ZBTB49: variants seen among roughly 807,000 people sequenced by gnomAD.
The protein encoded by ZBTB49 is zinc finger and BTB domain containing 49.
In ZBTB49, 43 loss-of-function variants were observed where a neutral mutation model predicts 57.5. The ratio of observed to expected loss-of-function variants is 0.75; its 90% CI spans 0.59 to 0.97. The LOEUF is 0.97. Ranked by LOEUF, ZBTB49 falls within the 50% of genes least tolerant of loss-of-function variation. ZBTB49 has a pLI of 0.00. For missense variants in ZBTB49, 938 were observed against 947.7 expected, an observed-to-expected ratio of 0.99 and a Z score of 0.13; for synonymous variants, 369 against 362.1, an observed-to-expected ratio of 1.02 and a Z score of -0.22.
At chr4:4,300,240 TTTTAAG>T (rs1188861541) in intron 2 of ZBTB49, 143 bp downstream of exon 2, 39 of 946,534 alleles carry the variant, frequency 4.1e-5, no homozygotes, top group Non-Finnish European at 5.4e-5. Flanking sequence ...TTGTTTTAAT[TTTTAAG>T]TTTGTTAACC....
intron 1 of ZBTB49, among the ~76,000 whole-genome samples, chr4:4,296,680 G>C (rs1020748646): frequency 2.6e-5 from 4 of 152,344 alleles, no homozygotes; most frequent in African/African-American, 9.6e-5. Context: ...TGAGAAAGGA[G>C]TCATGAGAAA....
intron 7 of ZBTB49, among the ~76,000 whole-genome samples, chr4:4,317,655 G>A (rs1477253281): frequency 4.0e-5 from 6 of 151,666 alleles, no homozygotes; most frequent in African/African-American, 2.4e-5. Flanking sequence ...CTTGTGTGGG[G>A]GTGTGTTTCC....
intron 7 of ZBTB49, among the ~76,000 whole-genome samples, chr4:4,317,275 G>A (rs547814196): frequency 6.6e-6 from 1 of 152,246 alleles, no homozygotes; most frequent in South Asian, 2.1e-4. Context: ...TGGGGGATGG[G>A]GGAGCGCTGA....
intron 1 of ZBTB49, among the ~76,000 whole-genome samples, chr4:4,297,456 G>A (rs187368357): frequency 1.2e-4 from 19 of 152,264 alleles, no homozygotes; most frequent in Admixed American, 7.8e-4. Flanking sequence ...ACACTGGGAA[G>A]ATCACAGAGG....
At chr4:4,299,599 T>C (rs2920254) in intron 1 of ZBTB49, among the ~76,000 whole-genome samples, 129 of 152,314 alleles carry the variant, frequency 8.5e-4, no homozygotes, top group African/African-American at 2.9e-3. Context: ...TTTGTACTGT[T>C]TAAATTCTGT....
intron 1 of ZBTB49, among the ~76,000 whole-genome samples, chr4:4,293,762 C>G (rs1480567947): frequency 1.3e-5 from 2 of 152,240 alleles, no homozygotes; most frequent in African/African-American, 4.8e-5. Context: ...GAACCCTTCT[C>G]TGTCTCCATG....
Position 4,302,527 on chromosome 4 carries a change from C to T in ZBTB49, c.691C>T (p.Pro231Ser). ...SKQYHKHAAG[P>S]SQERVVEQPF... is the part of the protein sequence containing the mutation. ...GCAGTACCATAAACACGCAGCTGGT[C>T]CCAGTCAGGAGAGAGTTGTTGAGCA... Residue 231 changes from proline to serine, a missense_variant, in exon 3 of 8, where the codon CCC becomes TCC. Coordinates refer to ENST00000337872, the MANE Select transcript of ZBTB49 (RefSeq NM_145291.4). 2 of 1,613,916 alleles carry T rather than the reference C, an allele frequency of 1.2e-6. No individual in the cohort carries two copies. The highest frequency in any genetic ancestry group is 1.7e-6 in the Non-Finnish European group (2 of 1,179,908).
intron 5 of ZBTB49, among the ~76,000 whole-genome samples, chr4:4,314,532 C>T (rs1966762): frequency 6.6e-6 from 1 of 152,020 alleles, no homozygotes; most frequent in South Asian, 2.1e-4. Context: ...CCACCATACC[C>T]GGTTAATTTT....
chr4:4,321,245 T>G lies in ZBTB49; in HGVS notation c.2227T>G (p.Phe743Val), dbSNP rs772602747. The G allele has an allele frequency of 1.9e-6, 3 of 1,613,998 alleles. No individual in the cohort carries two copies. The highest frequency in any genetic ancestry group is 1.7e-5 in the Admixed American group (1 of 59,998). Reference sequence around the variant, plus strand: ...CACTTATAGGAACTCAGAGGGTCAGTTTTTCTCCAGCATGACTCTCTGGGG... The same window carrying G: ...CACTTATAGGAACTCAGAGGGTCAGGTTTTCTCCAGCATGACTCTCTGGGG... ...STTYRNSEGQ[F>V]FSSMTLWGLA... Residue 743 changes from phenylalanine to valine, a missense_variant, in exon 8 of 8, where the codon TTT (phenylalanine) becomes GTT (valine). By Grantham distance (50) the Phe-to-Val change is conservative. Around this residue, in one of 3 missense-constraint regions of ZBTB49, gnomAD observed 835 missense variants for 819.1 expected, o/e 1.02. Coordinates refer to ENST00000337872, the MANE Select transcript of ZBTB49 (RefSeq NM_145291.4).
chr4:4,319,648 C>G (rs1403629121), intron 7 of ZBTB49, among the ~76,000 whole-genome samples: 1 of 152,170 alleles, frequency 6.6e-6, no homozygotes, highest in African/African-American at 2.4e-5. Flanking sequence ...TGGCAAAACC[C>G]CATCTCTACA....
Position 4,307,014 on chromosome 4 carries a change from T to A in ZBTB49, c.1302+830T>A, listed in dbSNP as rs115174811. Reference sequence around the variant, plus strand: ...ATGGCAAGCGCCGTGTTTGCTCGCATTCCCCCTAGAGCAGACTCTTCCAGT... The same window carrying A: ...ATGGCAAGCGCCGTGTTTGCTCGCAATCCCCCTAGAGCAGACTCTTCCAGT... On this transcript the variant is annotated intron_variant, in intron 4 of 7. Coordinates refer to ENST00000337872, the MANE Select transcript of ZBTB49 (RefSeq NM_145291.4). Among the ~76,000 whole-genome samples, 322 of 152,346 alleles carry A rather than the reference T, an allele frequency of 2.1e-3. 1 individual carries two copies. The highest frequency in any genetic ancestry group is 7.5e-3 in the African/African-American group (310 of 41,590).
chr4:4,309,383 A>G (rs1720880768), intron 4 of ZBTB49, among the ~76,000 whole-genome samples: 3 of 152,216 alleles, frequency 2.0e-5, no homozygotes, highest in Admixed American at 6.5e-5. Flanking sequence ...TCGCAGTCAG[A>G]GGGAAGTGTT....
chr4:4,309,799 A>G (rs1023368248), intron 4 of ZBTB49, among the ~76,000 whole-genome samples: 2 of 152,210 alleles, frequency 1.3e-5, no homozygotes, highest in Non-Finnish European at 2.9e-5. Flanking sequence ...AAGCTATTAC[A>G]TTGTCATCTC....
At chr4:4,301,787 C>G (rs886645494) in intron 2 of ZBTB49, among the ~76,000 whole-genome samples, 1 of 150,400 alleles carries the variant, frequency 6.6e-6, no homozygotes, top group African/African-American at 2.4e-5. Context: ...GTCTGCATAC[C>G]CAATCCACCA....
At chr4:4,307,995 C>G (rs1168730613) in intron 4 of ZBTB49, among the ~76,000 whole-genome samples, 1 of 152,230 alleles carries the variant, frequency 6.6e-6, no homozygotes, top group South Asian at 2.1e-4. Flanking sequence ...CTCCACTCCT[C>G]TCTCCTGGCA....
At chr4:4,297,957 G>A (rs1425981263) in intron 1 of ZBTB49, among the ~76,000 whole-genome samples, 1 of 152,146 alleles carries the variant, frequency 6.6e-6, no homozygotes, top group East Asian at 1.9e-4. Flanking sequence ...CCTGTGATGC[G>A]GTTACCAGGC....
Position 4,321,586 on chromosome 4 carries a change from G to C in ZBTB49, c.*270G>C. ...GCTGTCTCAGCAGCCTCAGCTGTGG[G>C]GGGGAAGCGCGTGTGCATCGTGTCA... On this transcript the variant is annotated 3_prime_UTR_variant, in exon 8 of 8. Transcript: ENST00000337872. 1 of 516,886 alleles carries C rather than the reference G, an allele frequency of 1.9e-6. No individual in the cohort carries two copies. The highest frequency in any genetic ancestry group is 3.4e-6 in the Non-Finnish European group (1 of 291,224). 32.0% of individuals were successfully genotyped at this position (516,886 alleles called of 1,614,324 possible). A position where few individuals can be genotyped will look rare whatever the true frequency, so the allele number is the denominator to read the frequency against.
chr4:4,319,744 C>T (rs1360290147), intron 7 of ZBTB49, among the ~76,000 whole-genome samples: 1 of 152,008 alleles, frequency 6.6e-6, no homozygotes, highest in Non-Finnish European at 1.5e-5. Flanking sequence ...TCGCTTGAAC[C>T]CAGGAGGTGG....
intron 4 of ZBTB49, among the ~76,000 whole-genome samples, chr4:4,312,116 T>G (rs1402938511): frequency 6.6e-6 from 1 of 152,246 alleles, no homozygotes; most frequent in Non-Finnish European, 1.5e-5. Flanking sequence ...GCATGACACC[T>G]GCTCATTTTT....
Sources: gnomAD v4.1 joint callset for allele counts (sites outside exome capture counted in the v4.1 genomes callset) on GRCh38, gnomAD v4.1.1 for gene constraint, gnomAD v4.1.1 regional missense constraint, MANE v1.5 for transcripts, NCBI Gene and HGNC (gene_info 2026-07-23, HGNC 2026-07-21) for gene names.